Variants in COL25A1 observed in about 807,000 individuals in gnomAD.
COL25A1 encodes collagen alpha-1(XXV) chain.
A neutral mutation model predicts 128.4 loss-of-function variants in COL25A1; 103 were observed. The ratio of observed to expected loss-of-function variants is 0.80; its 90% CI spans 0.68 to 0.94. The LOEUF is 0.94. Ranked by LOEUF, COL25A1 falls within the 40% of genes least tolerant of loss-of-function variation. The pLI, the probability that COL25A1 is intolerant of heterozygous loss-of-function variation, is 0.00. For missense variants in COL25A1, 745 were observed against 840.0 expected (o/e 0.89, Z 1.40); for synonymous variants, 279 against 277.2 (o/e 1.01, Z -0.06).
intron 20 of COL25A1, among the ~76,000 whole-genome samples, chr4:108,867,568 A>G (rs1738089110): frequency 6.6e-6 from 1 of 152,170 alleles, no homozygotes; most frequent in Non-Finnish European, 1.5e-5. Context: ...TAGGACACAC[A>G]TAGTTTCCAT....
At chr4:108,892,269 G>A (rs1338886948) in intron 16 of COL25A1, among the ~76,000 whole-genome samples, 1 of 152,092 alleles carries the variant, frequency 6.6e-6, no homozygotes. Context: ...TTATAGATGA[G>A]GAAATACTAT....
chr4:109,004,494 T>A (rs1755779526), intron 6 of COL25A1, among the ~76,000 whole-genome samples: 1 of 152,120 alleles, frequency 6.6e-6, no homozygotes, highest in South Asian at 2.1e-4. Flanking sequence ...AGTTTGGATA[T>A]TTGCCCCCGC....
intron 8 of COL25A1, among the ~76,000 whole-genome samples, chr4:108,969,893 A>AAT (rs60257628): frequency 0.21 from 31,151 of 149,062 alleles, 3,295 homozygotes; most frequent in Non-Finnish European, 0.24. Flanking sequence ...GCTACCACCA[A>AAT]ATATATATAT....
chr4:108,998,563 G>A (rs4956232), intron 6 of COL25A1, among the ~76,000 whole-genome samples: 121,062 of 152,088 alleles, frequency 0.8, 49,346 homozygotes, highest in East Asian at 1. Flanking sequence ...TAGATTCAAT[G>A]CTATCCCCAT....
chr4:108,829,419 CT>C (rs1379055845), intron 32 of COL25A1, among the ~76,000 whole-genome samples: 1 of 151,084 alleles, frequency 6.6e-6, no homozygotes, highest in African/African-American at 2.5e-5. Context: ...ATCTATCTAT[CT>C]ATCTATCTAT....
intron 3 of COL25A1, among the ~76,000 whole-genome samples, chr4:109,066,625 A>G (rs947089556): frequency 1.3e-5 from 2 of 152,188 alleles, no homozygotes; most frequent in African/African-American, 4.8e-5. Flanking sequence ...TGGTGAACCT[A>G]TGGATGAACG....
At chr4:108,886,681 G>C (rs1452798644) in intron 18 of COL25A1, among the ~76,000 whole-genome samples, 1 of 152,064 alleles carries the variant, frequency 6.6e-6, no homozygotes, top group Non-Finnish European at 1.5e-5. Context: ...CCCAAAATCT[G>C]GGATCAGATC....
intron 3 of COL25A1, among the ~76,000 whole-genome samples, chr4:109,222,057 TTC>T (rs1229271571): frequency 7.9e-6 from 1 of 126,048 alleles, no homozygotes; most frequent in Non-Finnish European, 1.6e-5. Flanking sequence ...TCTAAATAAC[TTC>T]TTTTTTTTTT....
At chr4:109,030,414 G>C (rs894415572) in intron 5 of COL25A1, among the ~76,000 whole-genome samples, 1 of 152,216 alleles carries the variant, frequency 6.6e-6, no homozygotes, top group African/African-American at 2.4e-5. Context: ...TGCATCTCCA[G>C]AGAGGACAGG....
intron 3 of COL25A1, among the ~76,000 whole-genome samples, chr4:109,156,588 T>C (rs1020593485): frequency 6.6e-6 from 1 of 152,142 alleles, no homozygotes; most frequent in Admixed American, 6.6e-5. Context: ...TATTGCTACA[T>C]CAACTACAAA....
intron 3 of COL25A1, among the ~76,000 whole-genome samples, chr4:109,052,642 A>G (rs1172142768): frequency 6.6e-6 from 1 of 152,204 alleles, no homozygotes; most frequent in Non-Finnish European, 1.5e-5. Context: ...AAGCCTAGGT[A>G]AAGATCTTGC....
intron 37 of COL25A1, among the ~76,000 whole-genome samples, chr4:108,814,241 G>T (rs1731041379): frequency 2.0e-5 from 3 of 152,134 alleles, no homozygotes; most frequent in Admixed American, 2.0e-4. Context: ...TGGGAAAGCA[G>T]AAAATTAGGA....
chr4:109,142,200 G>T (rs556520541), intron 3 of COL25A1, among the ~76,000 whole-genome samples: 42 of 152,270 alleles, frequency 2.8e-4, no homozygotes, highest in Middle Eastern at 6.8e-3. Flanking sequence ...TAGTCATTCA[G>T]GAGCAGGTTG....
chr4:108,899,524 T>C (rs1252887709), intron 14 of COL25A1, among the ~76,000 whole-genome samples: 1 of 152,164 alleles, frequency 6.6e-6, no homozygotes, highest in Non-Finnish European at 1.5e-5. Flanking sequence ...AATTTTTCAT[T>C]CTGCTTAAAC....
At chr4:109,254,406 T>C (rs890167292) in intron 3 of COL25A1, among the ~76,000 whole-genome samples, 1 of 146,094 alleles carries the variant, frequency 6.8e-6, no homozygotes, top group African/African-American at 2.5e-5. Context: ...TATTGAGCAG[T>C]TTCCTGTGGC....
At chr4:109,075,883 C>T (rs1440337120) in intron 3 of COL25A1, among the ~76,000 whole-genome samples, 2 of 152,134 alleles carry the variant, frequency 1.3e-5, no homozygotes, top group African/African-American at 4.8e-5. Flanking sequence ...ACAATAAATA[C>T]AGTCAACCCT....
At chr4:109,295,916 C>G (rs1724932240) in intron 3 of COL25A1, among the ~76,000 whole-genome samples, 2 of 151,940 alleles carry the variant, frequency 1.3e-5, no homozygotes, top group Non-Finnish European at 2.9e-5. Context: ...TCTTTTTTAT[C>G]TCTAGTTAAA....
At chr4:108,936,791 T>C (rs1747465660) in intron 11 of COL25A1, among the ~76,000 whole-genome samples, 3 of 116,910 alleles carry the variant, frequency 2.6e-5, no homozygotes, top group Admixed American at 2.0e-4. Context: ...AGGACCTACC[T>C]GTTTCTTAAA....
Position 108,869,148 on chromosome 4 carries a change from TC to T in COL25A1, c.1022del (p.Gly341GlufsTer89). The T allele has an allele frequency of 6.5e-7, 1 of 1,529,832 alleles. No individual in the cohort carries two copies. Among genetic ancestry groups the T allele is most frequent in the Non-Finnish European group, 8.8e-7 (1 of 1,141,198 alleles). The allele number at this position is 1,529,832 out of a possible 1,614,324, so 94.8% of individuals were successfully genotyped here. On this transcript the variant is annotated frameshift_variant and splice_region_variant, in exon 20 of 38. Coordinates refer to ENST00000399132, the MANE Select transcript of COL25A1 (RefSeq NM_198721.4). LOFTEE classifies it high-confidence loss of function. Reference protein sequence around the residue: ...PGLPGLPGIKGEPGFIGPQGE... With the variant: ...PGLPGLPGIKXEPGFIGPQGE... ...CTTGAGGACCAATGAAACCTGGTTCTCCCTTTAAAAACATGGGCATATGAGA... is the reference window on the plus strand; with the variant it reads ...CTTGAGGACCAATGAAACCTGGTTCTCCTTTAAAAACATGGGCATATGAGA...
Sources: allele counts gnomAD v4.1 joint callset (sites outside exome capture counted in the v4.1 genomes callset), GRCh38; gene constraint gnomAD v4.1.1; transcripts MANE v1.5; gene names NCBI Gene and HGNC (gene_info 2026-07-23, HGNC 2026-07-21).